The following LRMDA variants were observed in gnomAD, a reference collection of about 807,000 sequenced individuals.
LRMDA encodes the protein leucine rich melanocyte differentiation associated.
In LRMDA, 18 loss-of-function variants were observed where a neutral mutation model predicts 29.8. The ratio of observed to expected loss-of-function variants is 0.60; its 90% CI spans 0.42 to 0.90. The LOEUF is 0.90. Among genes scored for constraint, LRMDA ranks in the 40% least tolerant of loss-of-function variants. The probability of loss-of-function intolerance (pLI) is 0.00; values close to 1 mark genes in which losing one functional copy is unlikely to be tolerated. For synonymous variants in LRMDA, 125 were observed against 109.4 expected, an observed-to-expected ratio of 1.14 and a Z score of -0.89; for missense variants, 273 against 273.9, an observed-to-expected ratio of 1.00 and a Z score of 0.02.
At chr10:76,328,521 C>T (rs115913479) in intron 6 of LRMDA, among the ~76,000 whole-genome samples, 3,611 of 152,240 alleles carry the variant, frequency 0.024, 139 homozygotes, top group African/African-American at 0.076. Context: ...AGCCCTGTGC[C>T]CTTAATTCTC....
At chr10:75,794,498 A>G (rs1183753228) in intron 2 of LRMDA, among the ~76,000 whole-genome samples, 1 of 152,124 alleles carries the variant, frequency 6.6e-6, no homozygotes, top group Non-Finnish European at 1.5e-5. Context: ...TGTAGGTTTA[A>G]ATTTATGAAA....
At chr10:75,505,014 A>G (rs996915921) in intron 2 of LRMDA, among the ~76,000 whole-genome samples, 4 of 152,172 alleles carry the variant, frequency 2.6e-5, no homozygotes, top group Non-Finnish European at 4.4e-5. Flanking sequence ...TGATTGATAC[A>G]GATTAACATC....
chr10:76,115,383 A>T (rs1173237110), intron 5 of LRMDA, among the ~76,000 whole-genome samples: 1 of 152,210 alleles, frequency 6.6e-6, no homozygotes, highest in Non-Finnish European at 1.5e-5. Flanking sequence ...TGGATTGGCG[A>T]GGCCAAGAGA....
At chr10:76,077,716 CCTGTGCTTTT>C in intron 5 of LRMDA, among the ~76,000 whole-genome samples, 1 of 152,152 alleles carries the variant, frequency 6.6e-6, no homozygotes, top group East Asian at 1.9e-4. Flanking sequence ...CTGCTCAAAT[CCTGTGCTTTT>C]CAGGAAATAG....
chr10:76,502,737 C>CT (rs1260508577), intron 6 of LRMDA, among the ~76,000 whole-genome samples: 2 of 149,556 alleles, frequency 1.3e-5, no homozygotes, highest in African/African-American at 2.5e-5. Context: ...ACAATTTTTC[C>CT]TTTTTTTTCT....
intron 2 of LRMDA, among the ~76,000 whole-genome samples, chr10:75,674,490 T>G (rs1841937366): frequency 6.6e-6 from 1 of 152,288 alleles, no homozygotes; most frequent in African/African-American, 2.4e-5. Context: ...TTTTTCTTTT[T>G]TTTTCCTTAG....
chr10:75,877,436 C>T (rs1400263952), intron 2 of LRMDA, among the ~76,000 whole-genome samples: 1 of 152,220 alleles, frequency 6.6e-6, no homozygotes, highest in Non-Finnish European at 1.5e-5. Context: ...TTAGTTAAGG[C>T]TCTGTCTCCA....
At chr10:75,839,375 C>T (rs1350020897) in intron 2 of LRMDA, among the ~76,000 whole-genome samples, 1 of 152,112 alleles carries the variant, frequency 6.6e-6, no homozygotes, top group Non-Finnish European at 1.5e-5. Flanking sequence ...ATTTAATAAG[C>T]ACAAACAAAG....
chr10:76,144,298 A>G (rs1162650776), intron 5 of LRMDA, among the ~76,000 whole-genome samples: 1 of 152,132 alleles, frequency 6.6e-6, no homozygotes. Context: ...GGCCATTTTC[A>G]TGATATTGAT....
At chr10:76,199,626 T>C (rs1034331377) in intron 5 of LRMDA, among the ~76,000 whole-genome samples, 1 of 152,188 alleles carries the variant, frequency 6.6e-6, no homozygotes. Flanking sequence ...AAATGCTATC[T>C]TATGGCACAT....
At chr10:75,842,522 A>C (rs1268757168) in intron 2 of LRMDA, among the ~76,000 whole-genome samples, 2 of 152,226 alleles carry the variant, frequency 1.3e-5, no homozygotes, top group Admixed American at 1.3e-4. Flanking sequence ...ATGATCCATT[A>C]GTTTTTGGTG....
At chr10:76,049,690 A>G (rs1286292516) in intron 4 of LRMDA, among the ~76,000 whole-genome samples, 1 of 152,158 alleles carries the variant, frequency 6.6e-6, no homozygotes, top group Non-Finnish European at 1.5e-5. Flanking sequence ...GGGTTTTGCA[A>G]TATGACTTTT....
chr10:75,780,897 T>C (rs1488905119), intron 2 of LRMDA, among the ~76,000 whole-genome samples: 2 of 152,194 alleles, frequency 1.3e-5, no homozygotes, highest in Non-Finnish European at 2.9e-5. Context: ...CCATAGGCTG[T>C]ATGATAGCAA....
At chr10:75,834,680 T>G (rs1419233746) in intron 2 of LRMDA, among the ~76,000 whole-genome samples, 4 of 152,212 alleles carry the variant, frequency 2.6e-5, no homozygotes, top group African/African-American at 4.8e-5. Flanking sequence ...TAGGACACAA[T>G]TCAGCAAATA....
At chr10:75,445,565 T>C (rs1309337882) in intron 2 of LRMDA, among the ~76,000 whole-genome samples, 2 of 52 alleles carry the variant, frequency 0.038, no homozygotes, top group East Asian at 0.5. Context: ...AATTCTGTGC[T>C]TTAGCCGGGT....
intron 2 of LRMDA, among the ~76,000 whole-genome samples, chr10:75,911,494 T>C (rs985641212): frequency 1.5e-4 from 23 of 152,210 alleles, no homozygotes; most frequent in African/African-American, 5.1e-4. Context: ...TCTCTGGATG[T>C]AGGTACATTT....
At chr10:75,604,709 T>A (rs1042336820) in intron 2 of LRMDA, among the ~76,000 whole-genome samples, 1 of 152,192 alleles carries the variant, frequency 6.6e-6, no homozygotes, top group Non-Finnish European at 1.5e-5. Flanking sequence ...GTAAGCCAAC[T>A]GCCAAAATAC....
intron 2 of LRMDA, among the ~76,000 whole-genome samples, chr10:75,487,177 A>T (rs1294662768): frequency 6.6e-6 from 1 of 152,224 alleles, no homozygotes; most frequent in Non-Finnish European, 1.5e-5. Context: ...GCCTCTTTAT[A>T]TGATGATTTT....
At chr10:75,990,147 G>C (rs1564624398) in intron 2 of LRMDA, among the ~76,000 whole-genome samples, 1 of 152,200 alleles carries the variant, frequency 6.6e-6, no homozygotes, top group Non-Finnish European at 1.5e-5. Flanking sequence ...TAGAGCCTTT[G>C]ATTTATCGGG....
Sources: gnomAD v4.1 joint callset for allele counts (sites outside exome capture counted in the v4.1 genomes callset) on GRCh38, gnomAD v4.1.1 for gene constraint, MANE v1.5 for transcripts, NCBI Gene and HGNC (gene_info 2026-07-23, HGNC 2026-07-21) for gene names.